The following SDK1 variants were observed in gnomAD, a reference collection of about 807,000 sequenced individuals.
SDK1 encodes protein sidekick-1.
Under a neutral mutation model 245.5 loss-of-function variants are expected in SDK1, and 157 were observed. The observed-to-expected ratio is 0.64, with a 90% CI of 0.56 to 0.73. The LOEUF is 0.73. Ranked by LOEUF, SDK1 falls within the 30% of genes least tolerant of loss-of-function variation. The pLI, the probability that SDK1 is intolerant of heterozygous loss-of-function variation, is 0.00. For synonymous variants in SDK1, 1,647 were observed against 1,278.5 expected (o/e 1.29, Z -6.15); for missense variants, 3,583 against 3,002.3 (o/e 1.19, Z -4.52).
intron 43 of SDK1, among the ~76,000 whole-genome samples, chr7:4,244,540 G>A (rs1478314913): frequency 6.6e-6 from 1 of 152,222 alleles, no homozygotes; most frequent in Non-Finnish European, 1.5e-5. Context: ...TAGTCACCAG[G>A]AAGTGGGGAG....
At chr7:4,061,402 C>T (rs957010719) in intron 19 of SDK1, among the ~76,000 whole-genome samples, 6 of 152,204 alleles carry the variant, frequency 3.9e-5, no homozygotes, top group Middle Eastern at 6.8e-3. Context: ...CACTGGCCAT[C>T]AGAGAAATGC....
chr7:3,372,189 G>C (rs1444430465), intron 1 of SDK1, among the ~76,000 whole-genome samples: 2 of 151,932 alleles, frequency 1.3e-5, no homozygotes, highest in Admixed American at 1.3e-4. Context: ...ACTTTGAAGG[G>C]AGAGAGTCTG....
chr7:3,696,548 C>CTT (rs1381614953), intron 4 of SDK1, among the ~76,000 whole-genome samples: 1 of 144,990 alleles, frequency 6.9e-6, no homozygotes, highest in Non-Finnish European at 1.5e-5. Context: ...TTCTCTTTCT[C>CTT]ACAGAGCTTA....
At chr7:3,826,819 G>C (rs962299339) in intron 5 of SDK1, among the ~76,000 whole-genome samples, 4 of 152,144 alleles carry the variant, frequency 2.6e-5, no homozygotes, top group African/African-American at 4.8e-5. Flanking sequence ...CTTTCGGTGA[G>C]AAAACATAAG....
At chr7:3,917,044 C>G (rs75355361) in intron 5 of SDK1, among the ~76,000 whole-genome samples, 2,401 of 152,310 alleles carry the variant, frequency 0.016, 37 homozygotes, top group Non-Finnish European at 0.024. Context: ...TCTAAAAACA[C>G]TCCCATCATC....
At chr7:3,941,854 A>G (rs556855772) in intron 5 of SDK1, among the ~76,000 whole-genome samples, 72 of 151,596 alleles carry the variant, frequency 4.7e-4, no homozygotes, top group African/African-American at 1.5e-3. Context: ...TCCTGTAGCA[A>G]TCGTGATCTG....
At chr7:3,575,465 G>T (rs1323752208) in intron 1 of SDK1, among the ~76,000 whole-genome samples, 1 of 151,628 alleles carries the variant, frequency 6.6e-6, no homozygotes, top group African/African-American at 2.4e-5. Flanking sequence ...CAGTCCCTAA[G>T]AACATCTAAT....
intron 28 of SDK1, among the ~76,000 whole-genome samples, chr7:4,136,078 G>A (rs2342505): frequency 0.62 from 94,993 of 152,098 alleles, 30,098 homozygotes; most frequent in East Asian, 0.89. Flanking sequence ...AAGCCCAAGT[G>A]AGGAGAAGGA....
intron 5 of SDK1, among the ~76,000 whole-genome samples, chr7:3,841,370 C>T (rs950498502): frequency 3.9e-5 from 6 of 152,098 alleles, no homozygotes; most frequent in Non-Finnish European, 7.4e-5. Context: ...AGTGCAAGCC[C>T]CGTTGCAGAG....
At chr7:3,392,835 A>AT (rs1781793236) in intron 1 of SDK1, among the ~76,000 whole-genome samples, 1 of 151,962 alleles carries the variant, frequency 6.6e-6, no homozygotes, top group Non-Finnish European at 1.5e-5. Context: ...GTGTATGCGT[A>AT]TATCGCATTT....
At chr7:4,173,151 A>C (rs1781960309) in intron 32 of SDK1, among the ~76,000 whole-genome samples, 1 of 152,216 alleles carries the variant, frequency 6.6e-6, no homozygotes, top group Admixed American at 6.5e-5. Context: ...CCGTCCTCTG[A>C]CGAGGCTTCG....
intron 12 of SDK1, among the ~76,000 whole-genome samples, chr7:3,973,411 C>T (rs1782643313): frequency 6.6e-6 from 1 of 152,172 alleles, no homozygotes; most frequent in African/African-American, 2.4e-5. Flanking sequence ...GCTGGCCCTG[C>T]CCGTGGTCAT....
At chr7:3,672,759 TTATATA>T (rs60760676) in intron 4 of SDK1, among the ~76,000 whole-genome samples, 1,847 of 50,790 alleles carry the variant, frequency 0.036, 161 homozygotes, top group African/African-American at 0.15. Context: ...ATATATAATT[TTATATA>T]TATATATATA....
intron 2 of SDK1, among the ~76,000 whole-genome samples, chr7:3,627,309 C>T (rs1332260395): frequency 6.6e-6 from 1 of 152,144 alleles, no homozygotes; most frequent in East Asian, 1.9e-4. Flanking sequence ...ACTAGGACTA[C>T]CGGATCCTCT....
intron 1 of SDK1, among the ~76,000 whole-genome samples, chr7:3,571,922 T>C (rs1456859966): frequency 6.6e-6 from 1 of 152,096 alleles, no homozygotes; most frequent in Non-Finnish European, 1.5e-5. Context: ...TCATACTCTC[T>C]TTCCATCCCA....
chr7:4,001,658 C>G lies in SDK1; in HGVS notation c.2132-9308C>G, dbSNP rs536938730. Among the ~76,000 whole-genome samples the G allele has an allele frequency of 5.9e-5, 9 of 152,362 alleles. No individual in the cohort carries two copies. In the East Asian group the frequency reaches 7.7e-4, roughly 13 times the overall value. ...GAGCTTGTAGACCTTTATGGTTTCT[C>G]TAAAGACATATACAACAGAGAAAGT... On this transcript the variant is annotated intron_variant, in intron 14 of 44. Coordinates refer to ENST00000404826, the MANE Select transcript of SDK1 (RefSeq NM_152744.4).
At chr7:4,187,243 C>T (rs1484530535) in intron 35 of SDK1, among the ~76,000 whole-genome samples, 1 of 152,134 alleles carries the variant, frequency 6.6e-6, no homozygotes, top group African/African-American at 2.4e-5. Flanking sequence ...CATAGTTAAC[C>T]CACGGCATTA....
At chr7:3,825,568 C>T (rs1779751665) in intron 5 of SDK1, among the ~76,000 whole-genome samples, 1 of 152,146 alleles carries the variant, frequency 6.6e-6, no homozygotes, top group African/African-American at 2.4e-5. Context: ...ACAACATTTG[C>T]AGATAGGATA....
chr7:3,911,566 C>T (rs890436496), intron 5 of SDK1, among the ~76,000 whole-genome samples: 7 of 152,196 alleles, frequency 4.6e-5, no homozygotes, highest in African/African-American at 1.4e-4. Flanking sequence ...ATCCATTCTC[C>T]TCCCCAGAGC....
Sources: gnomAD v4.1 joint callset for allele counts (sites outside exome capture counted in the v4.1 genomes callset) on GRCh38, gnomAD v4.1.1 for gene constraint, MANE v1.5 for transcripts, NCBI Gene and HGNC (gene_info 2026-07-23, HGNC 2026-07-21) for gene names.